Variants in PPM1L observed in about 807,000 individuals in gnomAD.
PPM1L encodes the protein protein phosphatase 1L.
A neutral mutation model predicts 31.4 loss-of-function variants in PPM1L; 13 were observed. The observed-to-expected ratio is 0.41, with a 90% CI of 0.27 to 0.66. PPM1L has a LOEUF of 0.66. PPM1L is among the 30% of genes least tolerant of loss of function. PPM1L has a pLI of 0.29. For missense variants in PPM1L, 326 were observed against 453.7 expected, an observed-to-expected ratio of 0.72 and a Z score of 2.56; for synonymous variants, 184 against 175.4, an observed-to-expected ratio of 1.05 and a Z score of -0.39.
intron 2 of PPM1L, among the ~76,000 whole-genome samples, chr3:161,026,113 A>G (rs1462159357): frequency 2.6e-5 from 4 of 152,204 alleles, no homozygotes; most frequent in Non-Finnish European, 5.9e-5. Flanking sequence ...GTAAGAGGTG[A>G]GGGCCTAAAA....
intron 1 of PPM1L, among the ~76,000 whole-genome samples, chr3:160,880,216 C>T (rs1712665510): frequency 6.6e-6 from 1 of 152,016 alleles, no homozygotes; most frequent in African/African-American, 2.4e-5. Context: ...TTAACCATTA[C>T]CTTACAGCAT....
At chr3:160,828,457 TG>T (rs918101743) in intron 1 of PPM1L, among the ~76,000 whole-genome samples, 2 of 152,036 alleles carry the variant, frequency 1.3e-5, no homozygotes, top group African/African-American at 4.8e-5. Context: ...AGGCATTAGG[TG>T]GGTGCTAAGG....
At chr3:160,798,156 C>T (rs569473491) in intron 1 of PPM1L, among the ~76,000 whole-genome samples, 134 of 151,922 alleles carry the variant, frequency 8.8e-4, no homozygotes, top group Middle Eastern at 6.8e-3. Context: ...CCAGCCTGGA[C>T]GACAGAGCAA....
Position 160,842,227 on chromosome 3 carries a change from G to C in PPM1L, c.399+85520G>C, listed in dbSNP as rs72619308. ...AGGAAGAATTCATGCAGGTGGAAGA[G>C]GGTAGGAGGGATGCTGGTGCCATTA... On this transcript the variant is annotated intron_variant, in intron 1 of 3. Coordinates refer to ENST00000498165, the MANE Select transcript of PPM1L (RefSeq NM_139245.4). 2.0e-3 allele frequency: 1,400 copies of C among 701,840 alleles called. 24 individuals are homozygous for C. In the East Asian group the frequency reaches 0.035, roughly 18 times the overall value. The allele number at this position is 701,840 out of a possible 1,614,324, so 43.5% of individuals were successfully genotyped here. A position where few individuals can be genotyped will look rare whatever the true frequency, so the allele number is the denominator to read the frequency against.
chr3:160,848,576 C>T (rs1220441685), intron 1 of PPM1L, among the ~76,000 whole-genome samples: 1 of 152,172 alleles, frequency 6.6e-6, no homozygotes, highest in Admixed American at 6.6e-5. Context: ...GTTCTATCTT[C>T]CACTCTTGTC....
intron 1 of PPM1L, among the ~76,000 whole-genome samples, chr3:160,816,372 AAAC>A (rs1290777293): frequency 9.2e-5 from 14 of 152,132 alleles, no homozygotes; most frequent in African/African-American, 2.6e-4. Context: ...TTTCTGTGAA[AAAC>A]AACATTTTAC....
intron 2 of PPM1L, among the ~76,000 whole-genome samples, chr3:161,051,144 C>T (rs1165812753): frequency 6.6e-6 from 1 of 152,180 alleles, no homozygotes; most frequent in Non-Finnish European, 1.5e-5. Flanking sequence ...GACAAGTTCC[C>T]TTCTCTGCTA....
chr3:161,017,357 T>G (rs1468143409), intron 2 of PPM1L, among the ~76,000 whole-genome samples: 1 of 152,210 alleles, frequency 6.6e-6, no homozygotes, highest in Admixed American at 6.5e-5. Flanking sequence ...CATATTTTTG[T>G]TTAGACCAAT....
chr3:160,923,367 ATTG>A (rs1280528664), intron 1 of PPM1L, among the ~76,000 whole-genome samples: 1 of 152,144 alleles, frequency 6.6e-6, no homozygotes, highest in Non-Finnish European at 1.5e-5. Context: ...TTAATATTTT[ATTG>A]TTCTGAAGAG....
chr3:160,782,547 A>G (rs1439549213), intron 1 of PPM1L, among the ~76,000 whole-genome samples: 1 of 152,148 alleles, frequency 6.6e-6, no homozygotes, highest in Non-Finnish European at 1.5e-5. Context: ...TTTGTTTCTT[A>G]CACTAATTAG....
intron 1 of PPM1L, among the ~76,000 whole-genome samples, chr3:160,872,425 A>G (rs1463067469): frequency 6.6e-6 from 1 of 152,180 alleles, no homozygotes; most frequent in Admixed American, 6.5e-5. Context: ...CATATGCCCC[A>G]TACTAGGAAC....
At chr3:160,935,871 C>T (rs1437795111) in intron 1 of PPM1L, among the ~76,000 whole-genome samples, 2 of 152,152 alleles carry the variant, frequency 1.3e-5, no homozygotes, top group Non-Finnish European at 2.9e-5. Context: ...CTGAACAATC[C>T]AGTAAAGCTG....
chr3:160,952,833 T>G (rs931020782), intron 1 of PPM1L, among the ~76,000 whole-genome samples: 2 of 152,196 alleles, frequency 1.3e-5, no homozygotes, highest in Non-Finnish European at 2.9e-5. Flanking sequence ...ATATATGTGG[T>G]GTAAACATAA....
chr3:160,994,267 A>G (rs1235038093), intron 2 of PPM1L, among the ~76,000 whole-genome samples: 1 of 152,170 alleles, frequency 6.6e-6, no homozygotes, highest in Non-Finnish European at 1.5e-5. Flanking sequence ...GGCTTTTCCC[A>G]GGGGCTTACA....
intron 2 of PPM1L, among the ~76,000 whole-genome samples, chr3:161,060,963 A>G (rs1445247730): frequency 6.6e-6 from 1 of 152,022 alleles, no homozygotes; most frequent in African/African-American, 2.4e-5. Context: ...GAATTTTGCA[A>G]GTGTTTTGTC....
At chr3:160,936,842 C>A (rs536086169) in intron 1 of PPM1L, among the ~76,000 whole-genome samples, 124 of 152,162 alleles carry the variant, frequency 8.1e-4, no homozygotes, top group African/African-American at 2.7e-3. Flanking sequence ...ACAGGTGGAG[C>A]CTCATATGTA....
chr3:161,047,293 A>G (rs1048891660), intron 2 of PPM1L, among the ~76,000 whole-genome samples: 2 of 152,212 alleles, frequency 1.3e-5, no homozygotes, highest in Admixed American at 6.5e-5. Context: ...TTATACACCA[A>G]TAACAGACAA....
Position 161,076,348 on chromosome 3 carries a change from CCT to C in PPM1L, c.*7194_*7195del, listed in dbSNP as rs1720097487. The C allele has an allele frequency of 6.6e-6, 1 of 152,180 alleles. No homozygotes were observed. The highest frequency in any genetic ancestry group is 6.5e-5 in the Admixed American group (1 of 15,284). 9.4% of individuals were successfully genotyped at this position (152,180 alleles called of 1,614,324 possible). ...CCATGGGACATTAAGCAAGAATACT[CCT>C]CTGATTTAGGCTCCCAGACTACAAC... is the stretch of plus-strand genomic sequence containing the variant. On this transcript the variant is annotated 3_prime_UTR_variant, in exon 4 of 4. Transcript: ENST00000498165.
chr3:160,932,936 G>T (rs769110573), intron 1 of PPM1L, among the ~76,000 whole-genome samples: 13 of 152,124 alleles, frequency 8.5e-5, no homozygotes, highest in Non-Finnish European at 1.8e-4. Context: ...TTAACACACT[G>T]CCAGGTGTTA....
Sources: gnomAD v4.1 joint callset for allele counts (sites outside exome capture counted in the v4.1 genomes callset) on GRCh38, gnomAD v4.1.1 for gene constraint, MANE v1.5 for transcripts, NCBI Gene and HGNC (gene_info 2026-07-23, HGNC 2026-07-21) for gene names.